Variants in NXNL2 observed in about 807,000 individuals in gnomAD.
The protein encoded by NXNL2 is nucleoredoxin-like protein 2.
A neutral mutation model predicts 11.1 loss-of-function variants in NXNL2; 7 were observed. That is an observed-to-expected ratio of 0.63 (90% CI 0.36 to 1.18). The LOEUF is 1.18. Among genes scored for constraint, NXNL2 ranks in the 50% most tolerant of loss-of-function variants. NXNL2 has a pLI of 0.02. For synonymous variants in NXNL2, 109 were observed against 101.8 expected (o/e 1.07, Z -0.42); for missense variants, 233 against 217.7 (o/e 1.07, Z -0.44).
downstream of NXNL2, among the ~76,000 whole-genome samples, chr9:88,580,374 C>T (rs1172594175): frequency 1.3e-5 from 2 of 151,944 alleles, no homozygotes; most frequent in African/African-American, 2.4e-5. Context: ...AGGCTGGTGT[C>T]GAACTCCTGA....
intron 1 of NXNL2, among the ~76,000 whole-genome samples, chr9:88,539,080 T>C (rs1554704249): frequency 6.6e-6 from 1 of 152,166 alleles, no homozygotes; most frequent in Non-Finnish European, 1.5e-5. Context: ...CTCCTCCCAG[T>C]TGGTGCAGGG....
intron 1 of NXNL2, among the ~76,000 whole-genome samples, chr9:88,557,420 C>T (rs1830032639): frequency 6.6e-6 from 1 of 152,190 alleles, no homozygotes; most frequent in Non-Finnish European, 1.5e-5. Context: ...GCACCAGAGT[C>T]AGGATTTCTG....
chr9:88,552,572 G>C (rs1294781265), intron 1 of NXNL2, among the ~76,000 whole-genome samples: 1 of 149,996 alleles, frequency 6.7e-6, no homozygotes, highest in Non-Finnish European at 1.5e-5. Flanking sequence ...CTGAGTTCAC[G>C]CCATTCTCCT....
chr9:88,567,864 C>T (rs1236978014), intron 1 of NXNL2, among the ~76,000 whole-genome samples: 1 of 152,140 alleles, frequency 6.6e-6, no homozygotes, highest in African/African-American at 2.4e-5. Context: ...GCTCTCCACT[C>T]CCTACAGCAG....
At chr9:88,537,938 A>T (rs1402834288) in intron 1 of NXNL2, among the ~76,000 whole-genome samples, 2 of 152,214 alleles carry the variant, frequency 1.3e-5, no homozygotes, top group Non-Finnish European at 2.9e-5. Context: ...AGCAACAAGG[A>T]TGTGGCTGTG....
At chr9:88,561,012 T>C (rs1228580624) in intron 1 of NXNL2, among the ~76,000 whole-genome samples, 1 of 152,090 alleles carries the variant, frequency 6.6e-6, no homozygotes, top group Non-Finnish European at 1.5e-5. Context: ...ACCCCACACA[T>C]GGGGTGTGAT....
chr9:88,540,434 C>G (rs958838864), intron 1 of NXNL2, among the ~76,000 whole-genome samples: 1 of 150,944 alleles, frequency 6.6e-6, no homozygotes, highest in Non-Finnish European at 1.5e-5. Flanking sequence ...ATTGACCTGT[C>G]CAGGCTCCAT....
At chr9:88,580,656 C>T (rs1256713033), downstream of NXNL2, among the ~76,000 whole-genome samples, 2 of 152,134 alleles carry the variant, frequency 1.3e-5, no homozygotes, top group African/African-American at 4.8e-5. Flanking sequence ...CCAGTGTTTA[C>T]ACCTCACATA....
downstream of NXNL2, among the ~76,000 whole-genome samples, chr9:88,580,311 G>T (rs979303612): frequency 2.6e-5 from 4 of 151,910 alleles, no homozygotes; most frequent in Admixed American, 2.6e-4. Flanking sequence ...CAGCCACCAG[G>T]CCTGGCTAAT....
At chr9:88,571,661 A>G (rs1017389292) in intron 2 of NXNL2, among the ~76,000 whole-genome samples, 1 of 152,152 alleles carries the variant, frequency 6.6e-6, no homozygotes, top group Non-Finnish European at 1.5e-5. Context: ...CAAGGGTTGA[A>G]TTAAACTAAA....
At chr9:88,537,746 A>G (rs1031038942) in intron 1 of NXNL2, among the ~76,000 whole-genome samples, 2 of 152,198 alleles carry the variant, frequency 1.3e-5, no homozygotes, top group African/African-American at 2.4e-5. Context: ...CATTGCCCAC[A>G]GGACAGAGCC....
downstream of NXNL2, among the ~76,000 whole-genome samples, chr9:88,580,627 A>G (rs1830399134): frequency 2.0e-5 from 3 of 152,178 alleles, no homozygotes; most frequent in African/African-American, 7.2e-5. Context: ...AATTTTCTGT[A>G]TGCCTTACCC....
downstream of NXNL2, among the ~76,000 whole-genome samples, chr9:88,549,931 C>T (rs903175357): frequency 3.3e-5 from 5 of 152,004 alleles, no homozygotes; most frequent in African/African-American, 4.8e-5. Context: ...TTTAAGTGAT[C>T]CTCCTGCCTC....
At chr9:88,576,279 G>T (rs1214436129), downstream of NXNL2, among the ~76,000 whole-genome samples, 1 of 152,228 alleles carries the variant, frequency 6.6e-6, no homozygotes, top group Admixed American at 6.5e-5. Context: ...CTCCCGACAT[G>T]TGAACCCACA....
At chr9:88,538,251 G>T (rs771242207) in intron 1 of NXNL2, 6 of 152,174 alleles carry the variant, frequency 3.9e-5, no homozygotes, top group Non-Finnish European at 7.3e-5. Context: ...TGGAATATCA[G>T]TGAAATGACC....
chr9:88,569,021 G>T (rs2118525600), intron 1 of NXNL2, among the ~76,000 whole-genome samples: 1 of 152,064 alleles, frequency 6.6e-6, no homozygotes, highest in African/African-American at 2.4e-5. Context: ...CAACCTCTCA[G>T]GCTCAAGCGA....
At chr9:88,551,651 C>T (rs992640772) in intron 1 of NXNL2, among the ~76,000 whole-genome samples, 25 of 152,196 alleles carry the variant, frequency 1.6e-4, no homozygotes, top group African/African-American at 5.8e-4. Flanking sequence ...TCCCCTTCCC[C>T]TTCCCCTGTT....
downstream of NXNL2, among the ~76,000 whole-genome samples, chr9:88,548,727 T>C (rs1042153774): frequency 2.6e-5 from 4 of 151,428 alleles, no homozygotes; most frequent in Admixed American, 2.6e-4. Context: ...GGCTGTTTGC[T>C]TTGTGTGTGT....
chr9:88,571,774 C>T (rs1168302718), intron 2 of NXNL2, among the ~76,000 whole-genome samples: 1 of 152,186 alleles, frequency 6.6e-6, no homozygotes, highest in Non-Finnish European at 1.5e-5. Context: ...AATCCTTGAA[C>T]ACCTGGGGGC....
Sources: gnomAD v4.1 joint callset for allele counts (sites outside exome capture counted in the v4.1 genomes callset) on GRCh38, gnomAD v4.1.1 for gene constraint, MANE v1.5 for transcripts, NCBI Gene and HGNC (gene_info 2026-07-23, HGNC 2026-07-21) for gene names.